PLCL1: variants seen among roughly 807,000 people sequenced by gnomAD.
The protein encoded by PLCL1 is inactive phospholipase C-like protein 1.
A neutral mutation model predicts 84.4 loss-of-function variants in PLCL1; 41 were observed. The observed-to-expected ratio is 0.49, with a 90% confidence interval of 0.38 to 0.63. The LOEUF is 0.63. Among genes scored for constraint, PLCL1 ranks in the 30% least tolerant of loss-of-function variants. The pLI, the probability that PLCL1 is intolerant of heterozygous loss-of-function variation, is 0.00. For missense variants in PLCL1, 1,206 were observed against 1,367.8 expected, an observed-to-expected ratio of 0.88 and a Z score of 1.87; for synonymous variants, 490 against 488.3, an observed-to-expected ratio of 1.00 and a Z score of -0.05.
At chr2:198,121,818 AC>A (rs1693874399) in intron 5 of PLCL1, among the ~76,000 whole-genome samples, 2 of 151,980 alleles carry the variant, frequency 1.3e-5, no homozygotes, top group African/African-American at 4.8e-5. Flanking sequence ...TATGCACTGG[AC>A]TGGCAATTTG....
rs192116899 is a variant in PLCL1, at chr2:197,985,944, T to G, written c.241-97814T>G. Among the ~76,000 whole-genome samples, 13 of 152,312 alleles carry G rather than the reference T, an allele frequency of 8.5e-5. No individual in the cohort carries two copies. The East Asian group carries it at 2.5e-3, about 29-fold the overall frequency. On this transcript the variant is annotated intron_variant, in intron 1 of 5. Coordinates refer to ENST00000428675, the MANE Select transcript of PLCL1 (RefSeq NM_006226.4). ...GAGAAGTCCAAGGATTATCTGTGATTAGTGGTGAGATCCTCTGGAATAGAT... is the reference window on the plus strand; with the variant it reads ...GAGAAGTCCAAGGATTATCTGTGATGAGTGGTGAGATCCTCTGGAATAGAT...
intron 1 of PLCL1, among the ~76,000 whole-genome samples, chr2:197,936,739 A>C (rs1689062568): frequency 6.6e-6 from 1 of 152,118 alleles, no homozygotes; most frequent in Non-Finnish European, 1.5e-5. Flanking sequence ...GCTGTGCCAG[A>C]ACTTTTTAGT....
In PLCL1 at chr2:197,958,215, C is replaced by A. The variant is rs530776639; in HGVS notation, c.241-125543C>A. ...AGAAAACTTAAATATTCTATGAATC[C>A]ATATTATTTCTAGTTTCCTTTTGTA... On this transcript the variant is annotated intron_variant, in intron 1 of 5. Coordinates refer to ENST00000428675, the MANE Select transcript of PLCL1 (RefSeq NM_006226.4). 4.6e-5 allele frequency among the ~76,000 whole-genome samples: 7 copies of A among 151,756 alleles called. No individual in the cohort carries two copies. In the South Asian group the frequency reaches 1.5e-3, roughly 32 times the overall value.
At chr2:197,925,491 T>C (rs1479983217) in intron 1 of PLCL1, among the ~76,000 whole-genome samples, 1 of 152,214 alleles carries the variant, frequency 6.6e-6, no homozygotes, top group Non-Finnish European at 1.5e-5. Flanking sequence ...CTTTAAGCTC[T>C]TCAATGTGGT....
intron 1 of PLCL1, among the ~76,000 whole-genome samples, chr2:198,029,608 A>G (rs1691358001): frequency 6.6e-6 from 1 of 152,098 alleles, no homozygotes; most frequent in Non-Finnish European, 1.5e-5. Flanking sequence ...TGGGAGACTT[A>G]AGAGCCTTCT....
Position 197,991,955 on chromosome 2 carries a change from C to T in PLCL1, c.241-91803C>T, listed in dbSNP as rs184847446. 1.6e-4 allele frequency among the ~76,000 whole-genome samples: 25 copies of T among 152,308 alleles called. No individual in the cohort carries two copies. In the East Asian group the frequency reaches 4.4e-3, roughly 27 times the overall value. On this transcript the variant is annotated intron_variant, in intron 1 of 5. Coordinates refer to ENST00000428675, the MANE Select transcript of PLCL1 (RefSeq NM_006226.4). ...TCTTCCATGGGTGAAAACATTTCTC[C>T]TGGTTCGTCTCTCCTGATGCTTTGC...
At chr2:197,862,174 A>G (rs964327411) in intron 1 of PLCL1, among the ~76,000 whole-genome samples, 1 of 152,174 alleles carries the variant, frequency 6.6e-6, no homozygotes, top group Admixed American at 6.6e-5. Flanking sequence ...CTGTTAAATG[A>G]TTATGAGAAT....
intron 1 of PLCL1, among the ~76,000 whole-genome samples, chr2:198,050,403 G>A (rs1691898736): frequency 6.6e-6 from 1 of 151,982 alleles, no homozygotes; most frequent in African/African-American, 2.4e-5. Flanking sequence ...AGGAGATGGG[G>A]TGCTGGGGTT....
rs1692816537 is a variant in PLCL1, at chr2:198,084,744, C to A, written c.1227C>A (p.Ile409=). Reference sequence around the variant, plus strand: ...CCCAGCCATTATCTCACTACTATATCAATGCCTCTCATAACACCTATCTAA... The same window carrying A: ...CCCAGCCATTATCTCACTACTATATAAATGCCTCTCATAACACCTATCTAA... ...DMTQPLSHYY[I]NASHNTYLIE... The change falls in exon 2 of 6, where the codon ATC becomes ATA. Residue 409 remains isoleucine, a synonymous_variant. Coordinates refer to ENST00000428675, the MANE Select transcript of PLCL1 (RefSeq NM_006226.4). The A allele has an allele frequency of 6.2e-7, 1 of 1,613,988 alleles. No homozygotes were observed. Among genetic ancestry groups the A allele is most frequent in the Non-Finnish European group, 8.5e-7 (1 of 1,179,996 alleles).
At chr2:197,808,067 T>G (rs138670740) in intron 1 of PLCL1, among the ~76,000 whole-genome samples, 1 of 152,322 alleles carries the variant, frequency 6.6e-6, no homozygotes, top group Non-Finnish European at 1.5e-5. Context: ...CTACTGACAT[T>G]GTGTTTCTTC....
At chr2:197,957,242 G>T (rs528592457) in intron 1 of PLCL1, among the ~76,000 whole-genome samples, 32 of 152,006 alleles carry the variant, frequency 2.1e-4, no homozygotes, top group Admixed American at 1.6e-3. Context: ...TTGTTCCTTT[G>T]TGTTATAATT....
intron 1 of PLCL1, among the ~76,000 whole-genome samples, chr2:197,888,356 T>C (rs1687958155): frequency 6.6e-6 from 1 of 152,204 alleles, no homozygotes; most frequent in South Asian, 2.1e-4. Flanking sequence ...ATTGTTATGG[T>C]GTTTATGAGC....
At chr2:198,055,906 A>G (rs1410325974) in intron 1 of PLCL1, among the ~76,000 whole-genome samples, 1 of 152,186 alleles carries the variant, frequency 6.6e-6, no homozygotes, top group Non-Finnish European at 1.5e-5. Context: ...TGGCAGCCTC[A>G]GCTCATTACA....
At chr2:198,079,870 A>T (rs1692667257) in intron 1 of PLCL1, among the ~76,000 whole-genome samples, 1 of 152,214 alleles carries the variant, frequency 6.6e-6, no homozygotes, top group African/African-American at 2.4e-5. Flanking sequence ...CTACAATATG[A>T]GGTTAAGCTT....
At chr2:197,949,948 A>G (rs112247957) in intron 1 of PLCL1, among the ~76,000 whole-genome samples, 1 of 152,142 alleles carries the variant, frequency 6.6e-6, no homozygotes. Flanking sequence ...GGCTATTGGA[A>G]GTGGGAGTTG....
At chr2:197,987,813 T>C (rs762905957) in intron 1 of PLCL1, among the ~76,000 whole-genome samples, 4 of 152,226 alleles carry the variant, frequency 2.6e-5, no homozygotes, top group Admixed American at 1.3e-4. Flanking sequence ...TTAGCCAGAC[T>C]TAAAATATTT....
chr2:198,007,156 A>G lies in PLCL1; in HGVS notation c.241-76602A>G, dbSNP rs781256542. Among the ~76,000 whole-genome samples, 7 of 152,242 alleles carry G rather than the reference A, an allele frequency of 4.6e-5. No individual in the cohort carries two copies. In the East Asian group the frequency reaches 1.3e-3, roughly 29 times the overall value. ...TGATGTGGTATTTTAATTAAAAAAT[A>G]GGATCAGATCATGACACATAGAAGA... On this transcript the variant is annotated intron_variant, in intron 1 of 5. Coordinates refer to ENST00000428675, the MANE Select transcript of PLCL1 (RefSeq NM_006226.4).
At chr2:198,074,200 T>C (rs1458278368) in intron 1 of PLCL1, among the ~76,000 whole-genome samples, 7 of 152,178 alleles carry the variant, frequency 4.6e-5, no homozygotes, top group African/African-American at 7.2e-5. Flanking sequence ...TTCCTGGAAA[T>C]TGACTATTTT....
chr2:197,923,193 G>A, intron 1 of PLCL1, among the ~76,000 whole-genome samples: 1 of 149,042 alleles, frequency 6.7e-6, no homozygotes, highest in South Asian at 2.1e-4. Context: ...CGGGGCGGCT[G>A]GCCGGGCGGG....
Sources: allele counts gnomAD v4.1 joint callset (sites outside exome capture counted in the v4.1 genomes callset), GRCh38; gene constraint gnomAD v4.1.1; transcripts MANE v1.5; gene names NCBI Gene and HGNC (gene_info 2026-07-23, HGNC 2026-07-21).